ZNF600: variants seen among roughly 807,000 people sequenced by gnomAD.
ZNF600 encodes zinc finger protein KR-ZNF1.
ZNF600 carries 4 observed loss-of-function variants against 7.3 expected under a neutral mutation model. The ratio of observed to expected loss-of-function variants is 0.55; its 90% confidence interval spans 0.27 to 1.25. The LOEUF (loss-of-function observed/expected upper bound fraction) is 1.25, where lower values mean the gene tolerates loss of function less well. Ranked by LOEUF, ZNF600 falls within the 50% of genes most tolerant of loss-of-function variation. The pLI is 0.12. For synonymous variants in ZNF600, 290 were observed against 308.9 expected, an observed-to-expected ratio of 0.94 and a Z score of 0.64; for missense variants, 911 against 922.1, an observed-to-expected ratio of 0.99 and a Z score of 0.16.
chr19:52,803,640 G>C, the ZNF600 span, among the ~76,000 whole-genome samples: 3 of 152,112 alleles, frequency 2.0e-5, no homozygotes, highest in Admixed American at 2.0e-4. Flanking sequence ...TGATATATGA[G>C]GTCAAGAAAG....
chr19:52,828,784 A>C, the ZNF600 span, among the ~76,000 whole-genome samples: 1 of 152,220 alleles, frequency 6.6e-6, no homozygotes, highest in Non-Finnish European at 1.5e-5. Flanking sequence ...GTTCCTGCAG[A>C]TTCGGCCTTT....
At chr19:52,821,913 T>A in the ZNF600 span, among the ~76,000 whole-genome samples, 2,993 of 111,928 alleles carry the variant, frequency 0.027, 110 homozygotes, top group African/African-American at 0.092. Flanking sequence ...TAAAAAAAAA[T>A]AAAAAAATAA....
At chr19:52,821,405 T>A in the ZNF600 span, among the ~76,000 whole-genome samples, 1 of 152,020 alleles carries the variant, frequency 6.6e-6, no homozygotes, top group Admixed American at 6.6e-5. Context: ...GGGACCAGCC[T>A]CAGGGCGACT....
chr19:52,798,730 T>C, the ZNF600 span: 2 of 506,994 alleles, frequency 3.9e-6, no homozygotes, highest in Non-Finnish European at 7.5e-6. Flanking sequence ...TAGCAATATA[T>C]GAACGATATC....
At chr19:52,792,924 G>T in the ZNF600 span, among the ~76,000 whole-genome samples, 2 of 151,556 alleles carry the variant, frequency 1.3e-5, no homozygotes, top group Non-Finnish European at 2.9e-5. Flanking sequence ...TGTTAGTAGA[G>T]ACAGGGTTTC....
At chr19:52,796,479 G>A in the ZNF600 span, among the ~76,000 whole-genome samples, 3 of 151,594 alleles carry the variant, frequency 2.0e-5, no homozygotes, top group East Asian at 5.8e-4. Flanking sequence ...TTATATGTGA[G>A]AGCGGGAGGA....
the ZNF600 span, chr19:52,810,777 ACC>A: frequency 8.0e-6 from 4 of 499,248 alleles, no homozygotes; most frequent in African/African-American, 8.7e-5. Flanking sequence ...ATAAAAAAAA[ACC>A]CAAAAAAAAC....
chr19:52,777,602 C>CAGGCA (rs2062686412), intron 2 of ZNF600, among the ~76,000 whole-genome samples: 1 of 152,082 alleles, frequency 6.6e-6, no homozygotes, highest in South Asian at 2.1e-4. Flanking sequence ...GAGTCCAAGA[C>CAGGCA]AGGCAGATCA....
the ZNF600 span, among the ~76,000 whole-genome samples, chr19:52,811,823 C>T: frequency 1.0e-4 from 15 of 147,670 alleles, no homozygotes; most frequent in African/African-American, 3.6e-4. Context: ...CTCCTCTGCC[C>T]GGCCGCCCCT....
At chr19:52,806,380 G>A in the ZNF600 span, among the ~76,000 whole-genome samples, 118,690 of 151,910 alleles carry the variant, frequency 0.78, 47,291 homozygotes, top group Non-Finnish European at 0.87. Flanking sequence ...CTTTAGTAGA[G>A]ACGAAGTTTC....
At chr19:52,799,274 T>C in the ZNF600 span, 253 of 421,330 alleles carry the variant, frequency 6.0e-4, 3 homozygotes, top group African/African-American at 4.8e-3. Context: ...ATTTGTAAGG[T>C]TTCTCTCCAG....
chr19:52,766,520 T>C (rs267605642), exon 4 of ZNF600: 2 of 1,614,042 alleles, frequency 1.2e-6, no homozygotes, highest in East Asian at 2.2e-5. Context: ...ACTTGTAAGG[T>C]TTTCCTCCAC....
intron 3 of ZNF600, 70 bp downstream of exon 5, chr19:52,774,505 C>T (rs921268925): frequency 2.0e-5 from 19 of 950,224 alleles, no homozygotes; most frequent in African/African-American, 2.0e-4. Flanking sequence ...CAAAAGAGAA[C>T]ACAAAACCAG....
the ZNF600 span, chr19:52,800,048 T>G: frequency 6.2e-7 from 1 of 1,614,098 alleles, no homozygotes; most frequent in South Asian, 1.1e-5. Context: ...CAGTATGAAC[T>G]CTCTGATGTT....
intron 3 of ZNF600, among the ~76,000 whole-genome samples, chr19:52,769,540 C>T (rs2062616034): frequency 6.6e-6 from 1 of 152,152 alleles, no homozygotes; most frequent in Non-Finnish European, 1.5e-5. Context: ...CTTACCCTGC[C>T]CCTTTGTCTT....
At chr19:52,811,045 A>G in the ZNF600 span, among the ~76,000 whole-genome samples, 16 of 146,088 alleles carry the variant, frequency 1.1e-4, no homozygotes, top group East Asian at 2.0e-4. Flanking sequence ...ACGCGCCGCC[A>G]CGCCTGACTG....
the ZNF600 span, chr19:52,798,763 A>G: frequency 1.6e-6 from 1 of 628,826 alleles, no homozygotes; most frequent in South Asian, 1.5e-5. Flanking sequence ...CACATTTATT[A>G]CACTTGTAAG....
At chr19:52,832,865 G>A in the ZNF600 span, among the ~76,000 whole-genome samples, 2 of 151,940 alleles carry the variant, frequency 1.3e-5, no homozygotes, top group African/African-American at 4.8e-5. Context: ...TCCACCTCCC[G>A]GATTCAAGTG....
At chr19:52,817,604 T>TCCTG in the ZNF600 span, among the ~76,000 whole-genome samples, 1 of 152,126 alleles carries the variant, frequency 6.6e-6, no homozygotes, top group African/African-American at 2.4e-5. Context: ...GCTGCTCTAA[T>TCCTG]CCTGGTCCAC....
Sources: allele counts gnomAD v4.1 joint callset (sites outside exome capture counted in the v4.1 genomes callset), GRCh38; gene constraint gnomAD v4.1.1; transcripts MANE v1.5; gene names NCBI Gene and HGNC (gene_info 2026-07-23, HGNC 2026-07-21).